RTEL1: variants seen among roughly 807,000 people sequenced by gnomAD.
RTEL1 encodes the protein regulator of telomere elongation helicase 1.
RTEL1 carries 86 observed loss-of-function variants against 162.2 expected under a neutral mutation model. The ratio of observed to expected loss-of-function variants is 0.53; its 90% CI spans 0.45 to 0.63. RTEL1 has a LOEUF of 0.63. RTEL1 is among the 30% of genes least tolerant of loss of function. The pLI, the probability that RTEL1 is intolerant of heterozygous loss-of-function variation, is 0.00. For missense variants in RTEL1, 1,941 were observed against 1,750.2 expected, an observed-to-expected ratio of 1.11 and a Z score of -1.95; for synonymous variants, 958 against 717.9, an observed-to-expected ratio of 1.33 and a Z score of -5.35.
At chr20:63,673,868 A>C (rs1289247082) in intron 9 of RTEL1, 72 bp from the exon 10 acceptor site, 2 of 1,511,096 alleles carry the variant, frequency 1.3e-6, no homozygotes, top group Non-Finnish European at 1.8e-6. Context: ...CTGCACCCCC[A>C]CCCCATTTCT....
intron 32 of RTEL1, 40 bp from the exon 33 acceptor site, chr20:63,695,024 CAA>C (rs746645758): frequency 7.8e-5 from 125 of 1,609,498 alleles, no homozygotes; most frequent in Non-Finnish European, 6.8e-6. Flanking sequence ...GGGCAGGGGA[CAA>C]AATGGGGGCT....
At chr20:63,664,715 G>A (rs1427192833) in intron 6 of RTEL1, among the ~76,000 whole-genome samples, 1 of 152,208 alleles carries the variant, frequency 6.6e-6, no homozygotes, top group African/African-American at 2.4e-5. Flanking sequence ...CACCTGCACC[G>A]GCCTGAGCAT....
In RTEL1 at chr20:63,685,819, G is replaced by A. The variant is rs770158407; in HGVS notation, c.1295G>A (p.Arg432Gln). 22 of 1,612,504 alleles carry A rather than the reference G, an allele frequency of 1.4e-5. No individual in the cohort carries two copies. The highest frequency in any genetic ancestry group is 4.5e-5 in the East Asian group (2 of 44,880). Residue 432 changes from arginine (R) to glutamine (Q), a missense_variant, in exon 16 of 35, where the codon CGG (arginine) becomes CAG (glutamine). By Grantham distance (43) the Arg-to-Gln change is conservative. Transcript: ENST00000360203. ...KVHIHPDAGH[R>Q]RTAQRSDAWS... ...CACATCCATCCTGATGCTGGTCACC[G>A]GAGGACGGCTCAGCGGTCTGATGCC...
chr20:63,659,194 A>G (rs2089969393), intron 1 of RTEL1, 39 bp from the exon 2 acceptor site: 3 of 581,986 alleles, frequency 5.2e-6, no homozygotes, highest in Non-Finnish European at 9.4e-6. Context: ...CGGTACCCAC[A>G]AAGGCTGTCT....
intron 18 of RTEL1, 41 bp downstream of exon 18, chr20:63,688,091 G>A (rs775938041): frequency 1.9e-6 from 3 of 1,612,114 alleles, no homozygotes; most frequent in East Asian, 2.2e-5. Flanking sequence ...TGGGAGGTGG[G>A]GGAGCACTGA....
Position 63,687,722 on chromosome 20 carries a change from C to G in RTEL1, c.1433C>G (p.Thr478Ser). The G allele has an allele frequency of 1.3e-6, 2 of 1,598,956 alleles. No individual in the cohort carries two copies. The highest frequency in any genetic ancestry group is 1.3e-5 in the African/African-American group (1 of 74,806). The change falls in exon 17 of 35, where the codon ACC becomes AGC. Residue 478 changes from threonine (T) to serine (S), a missense_variant. Coordinates refer to ENST00000360203, the MANE Select transcript of RTEL1 (RefSeq NM_001283009.2). ...CAGGGCGTCCGCTCCCTCATCCTTA[C>G]CAGCGGCACGCTGGCCCCGGTGTCC... ...VRQGVRSLIL[T>S]SGTLAPVSSF...
intron 14 of RTEL1, chr20:63,682,102 C>T: frequency 1.0e-6 from 1 of 985,452 alleles, no homozygotes; most frequent in African/African-American, 1.7e-5. Flanking sequence ...CTGTCCCTCC[C>T]TGGAATACAG....
Position 63,662,630 on chromosome 20 carries a change from A to G in RTEL1, c.477+3A>G. 1 of 1,613,790 alleles carries G rather than the reference A, an allele frequency of 6.2e-7. No individual in the cohort carries two copies. On this transcript the variant is annotated splice_donor_region_variant and intron_variant, in intron 5 of 34. Coordinates refer to ENST00000360203, the MANE Select transcript of RTEL1 (RefSeq NM_001283009.2). The stretch of plus-strand genomic sequence containing the variant: ...AACAAGAGAGTAACCATCTACAGGT[A>G]GGCTCCTGGGCTCCCGCTCCGGCTC...
At chr20:63,679,552 GCCT>G (rs2090439457) in intron 12 of RTEL1, among the ~76,000 whole-genome samples, 1 of 152,100 alleles carries the variant, frequency 6.6e-6, no homozygotes, top group African/African-American at 2.4e-5. Context: ...TGCTGGCCAG[GCCT>G]CCTCTCCCCA....
chr20:63,695,206 A>G lies in RTEL1; in HGVS notation c.3484A>G (p.Arg1162Gly), dbSNP rs1427721369. 2.5e-6 allele frequency: 4 copies of G among 1,611,892 alleles called. No individual in the cohort carries two copies. Among genetic ancestry groups the G allele is most frequent in the South Asian group, 2.2e-5 (2 of 91,076 alleles). ...RLAVPPVLTH[R>G]APQPGPSRSE... ...TGCCGTGCCTCCTGTGCTTACCCAC[A>G]GGGCTCCCCAACCAGGTAGGGCACC... Residue 1162 changes from arginine to glycine, a missense_variant, in exon 33 of 35, where the codon AGG becomes GGG. Transcript: ENST00000360203.
chr20:63,682,298 T>C (rs1347174843), intron 14 of RTEL1: 1 of 981,312 alleles, frequency 1.0e-6, no homozygotes. Context: ...CCCCCAGCTA[T>C]GGAGAAGACT....
At chr20:63,673,185 A>C (rs1569090248) in intron 9 of RTEL1, among the ~76,000 whole-genome samples, 1 of 152,042 alleles carries the variant, frequency 6.6e-6, no homozygotes, top group Non-Finnish European at 1.5e-5. Flanking sequence ...CGAGGTCAAG[A>C]GATCAAGACC....
Position 63,687,706 on chromosome 20 carries a change from C to A in RTEL1, c.1417C>A (p.Arg473Ser). 6.2e-7 allele frequency: 1 copy of A among 1,604,998 alleles called. No homozygotes were observed. Among genetic ancestry groups the A allele is most frequent in the Non-Finnish European group, 8.5e-7 (1 of 1,177,434 alleles). Residue 473 changes from arginine to serine, a missense_variant, in exon 17 of 35, where the codon CGC becomes AGC. Arg to Ser is a moderately radical substitution (Grantham distance 110). Transcript: ENST00000360203. ...GCACGAGCTGGTCCGCCAGGGCGTC[C>A]GCTCCCTCATCCTTACCAGCGGCAC... ...SMHELVRQGV[R>S]SLILTSGTLA... is the part of the protein sequence containing the mutation.
Position 63,659,486 on chromosome 20 carries a change from C to T in RTEL1, c.84C>T (p.Val28=), listed in dbSNP as rs2089974296. The change falls in exon 2 of 35, where the codon GTC becomes GTT. Residue 28 remains valine (V), a synonymous_variant. Transcript: ENST00000360203. ...YKCQQEYMTK[V]LECLQQKVNG... is the part of the protein sequence containing the mutation. ...GCCAACAGGAGTACATGACCAAGGT[C>T]CTGGAATGTCTGCAGCAGGTAGAGC... The T allele has an allele frequency of 1.2e-6, 2 of 1,613,722 alleles. No homozygotes were observed. Among genetic ancestry groups the T allele is most frequent in the Non-Finnish European group, 1.7e-6 (2 of 1,179,724 alleles).
rs538240619 is a variant in RTEL1 at position 63,692,238 on chromosome 20, G to T, written c.2652+401G>T. The T allele has an allele frequency of 2.2e-5, 5 of 224,506 alleles. No individual in the cohort carries two copies. The East Asian group carries it at 6.3e-4, about 28-fold the overall frequency. 13.9% of individuals were successfully genotyped at this position (224,506 alleles called of 1,614,324 possible). On this transcript the variant is annotated intron_variant, in intron 28 of 34. Transcript: ENST00000360203. ...GAAAACCCCAAGTGTGGCGGCCTTTGTCCATGTCCCTTGGCTTCTGGGAAG... is the reference window on the plus strand; with the variant it reads ...GAAAACCCCAAGTGTGGCGGCCTTTTTCCATGTCCCTTGGCTTCTGGGAAG...
rs369357121 is a variant in RTEL1, at chr20:63,692,928, G to A, written c.2776G>A (p.Asp926Asn). The A allele has an allele frequency of 9.9e-6, 16 of 1,612,526 alleles. No individual in the cohort carries two copies. The highest frequency in any genetic ancestry group is 6.6e-5 in the South Asian group (6 of 91,096). Residue 926 changes from aspartate to asparagine, a missense_variant, in exon 29 of 35, where the codon GAT (aspartate) becomes AAT (asparagine). By Grantham distance (23) the Asp-to-Asn change is conservative (BLOSUM62 1). Coordinates refer to ENST00000360203, the MANE Select transcript of RTEL1 (RefSeq NM_001283009.2). The stretch of plus-strand genomic sequence containing the variant: ...GGCCCTGCAGGACTACAAGGGTTCC[G>A]ATGACTTCGCCGCCCTGGCCGCCTG... ...TQALQDYKGSDDFAALAACLG... is the reference protein window; with the variant it reads ...TQALQDYKGSNDFAALAACLG...
chr20:63,662,275 C>T (rs2090035072), intron 4 of RTEL1: 1 of 657,348 alleles, frequency 1.5e-6, no homozygotes, highest in African/African-American at 1.8e-5. Flanking sequence ...GGCCCTGCTG[C>T]TTGTCAGAGC....
chr20:63,690,592 A>C, intron 26 of RTEL1, 151 bp downstream of exon 26: 1 of 1,209,282 alleles, frequency 8.3e-7, no homozygotes, highest in Non-Finnish European at 1.1e-6. Context: ...CTCCTAGGGC[A>C]GGGCCCCCAC....
rs1184027141 is a variant in RTEL1 at position 63,692,793 on chromosome 20, T to G, written c.2653-12T>G. 1.2e-6 allele frequency: 2 copies of G among 1,606,984 alleles called. No individual in the cohort carries two copies. Among genetic ancestry groups the G allele is most frequent in the African/African-American group, 1.3e-5 (1 of 74,814 alleles). ...GCTGGCCCTGATGGAGCCTCGGGCC[T>G]GTGTCCTGCAGGAGGAGCCCGTGGC... is the stretch of plus-strand genomic sequence containing the variant. On this transcript the variant is annotated splice_polypyrimidine_tract_variant and intron_variant, in intron 28 of 34. Transcript: ENST00000360203.
Sources: allele counts gnomAD v4.1 joint callset (sites outside exome capture counted in the v4.1 genomes callset), GRCh38; gene constraint gnomAD v4.1.1; transcripts MANE v1.5; gene names NCBI Gene and HGNC (gene_info 2026-07-23, HGNC 2026-07-21).